ATL1: variants seen among roughly 807,000 people sequenced by gnomAD.
The protein encoded by ATL1 is atlastin-1.
A neutral mutation model predicts 75.5 loss-of-function variants in ATL1; 31 were observed. The observed-to-expected ratio is 0.41, with a 90% CI of 0.31 to 0.55. The LOEUF (loss-of-function observed/expected upper bound fraction) is 0.55. Among genes scored for constraint, ATL1 ranks in the 20% least tolerant of loss-of-function variants. The pLI, the probability that ATL1 is intolerant of heterozygous loss-of-function variation, is 0.27. For synonymous variants in ATL1, 226 were observed against 233.3 expected (o/e 0.97, Z 0.28); for missense variants, 405 against 662.6 (o/e 0.61, Z 4.27).
At chr14:50,555,593 A>G (rs1328911105), upstream of ATL1, among the ~76,000 whole-genome samples, 3 of 152,148 alleles carry the variant, frequency 2.0e-5, no homozygotes, top group African/African-American at 7.2e-5. Context: ...CAGTTCCTTC[A>G]TATTTTGAAG....
rs1367266605 is a variant in ATL1, at chr14:50,632,965, C to T, written c.*626C>T. ...ATTGTATATTTTTTCATTTGGTACACAAAGAATGTATTCTTCATAGGTTTA... is the reference window on the plus strand; with the variant it reads ...ATTGTATATTTTTTCATTTGGTACATAAAGAATGTATTCTTCATAGGTTTA... On this transcript the variant is annotated 3_prime_UTR_variant, in exon 14 of 14. Coordinates refer to ENST00000358385, the MANE Select transcript of ATL1 (RefSeq NM_015915.5). 1 of 152,154 alleles carries T rather than the reference C, an allele frequency of 6.6e-6. No individual in the cohort carries two copies. The highest frequency in any genetic ancestry group is 1.5e-5 in the Non-Finnish European group (1 of 68,090). The allele number at this position is 152,154 out of a possible 1,614,324, so 9.4% of individuals were successfully genotyped here.
intron 1 of ATL1, 22 bp downstream of exon 1, chr14:50,560,321 C>G: frequency 1.2e-6 from 2 of 1,613,134 alleles, no homozygotes; most frequent in Non-Finnish European, 1.7e-6. Context: ...ATGAGAACTT[C>G]TGCAGCCTGC....
chr14:50,590,881 G>T lies in ATL1; in HGVS notation c.283-60G>T, dbSNP rs1241308318. ...GAGAGGGATAAGAATCAGAATGAATGAATGGAAAAAACTATATACACATAT... is the reference window on the plus strand; with the variant it reads ...GAGAGGGATAAGAATCAGAATGAATTAATGGAAAAAACTATATACACATAT... On this transcript the variant is annotated intron_variant, in intron 2 of 13. Transcript: ENST00000358385. 10 of 1,552,162 alleles carry T rather than the reference G, an allele frequency of 6.4e-6. No homozygotes were observed. The Admixed American group carries it at 6.7e-5, about 10-fold the overall frequency.
At chr14:50,558,832 G>A (rs114976339), upstream of ATL1, among the ~76,000 whole-genome samples, 1,760 of 152,248 alleles carry the variant, frequency 0.012, 31 homozygotes, top group African/African-American at 0.041. Context: ...GTCTTCCTAT[G>A]TTGTTTCATT....
At chr14:50,562,449 C>T (rs2038859189) in intron 1 of ATL1, among the ~76,000 whole-genome samples, 1 of 152,134 alleles carries the variant, frequency 6.6e-6, no homozygotes, top group African/African-American at 2.4e-5. Context: ...GCAGACTCTC[C>T]CATCTTCCAG....
intron 2 of ATL1, among the ~76,000 whole-genome samples, chr14:50,589,130 G>A (rs1316452640): frequency 6.8e-6 from 1 of 147,764 alleles, no homozygotes; most frequent in Non-Finnish European, 1.5e-5. Flanking sequence ...TATGGTGACA[G>A]ATATATTTTT....
chr14:50,541,547 G>A (rs1467940618), intron 1 of ATL1, among the ~76,000 whole-genome samples: 1 of 152,076 alleles, frequency 6.6e-6, no homozygotes, highest in Admixed American at 6.5e-5. Flanking sequence ...CTGTATGACT[G>A]CCACCTTGTT....
At chr14:50,572,883 AG>A (rs1179826332) in intron 1 of ATL1, among the ~76,000 whole-genome samples, 2 of 152,224 alleles carry the variant, frequency 1.3e-5, no homozygotes, top group African/African-American at 4.8e-5. Context: ...TAAATGAAAG[AG>A]GTTTAATTGA....
At chr14:50,593,092 A>G (rs965178403) in intron 4 of ATL1, among the ~76,000 whole-genome samples, 1 of 151,742 alleles carries the variant, frequency 6.6e-6, no homozygotes, top group Non-Finnish European at 1.5e-5. Flanking sequence ...TTCACAGTGT[A>G]AGCCATACTT....
At position 50,625,019 on chromosome 14, in the gene ATL1, A is replaced by G. The variant is rs569327751; in HGVS notation, c.1119+1771A>G. Among the ~76,000 whole-genome samples, 892 of 151,236 alleles carry G rather than the reference A, an allele frequency of 5.9e-3. 3 individuals are homozygous for G. Among genetic ancestry groups the G allele is most frequent in the Middle Eastern group, 0.021 (6 of 282 alleles). ...CAGGAGGCAGAGGTTGCAATGAGCC[A>G]AGATCGCACCACTGCACTGCACTCC... On this transcript the variant is annotated intron_variant, in intron 11 of 13. Coordinates refer to ENST00000358385, the MANE Select transcript of ATL1 (RefSeq NM_015915.5).
Position 50,628,729 on chromosome 14 carries a change from T to G in ATL1, c.1551+267T>G, listed in dbSNP as rs1184185790. The G allele has an allele frequency of 5.8e-6, 3 of 515,074 alleles. No homozygotes were observed. In the East Asian group the frequency reaches 1.3e-4, roughly 23 times the overall value. The allele number at this position is 515,074 out of a possible 1,614,324, so 31.9% of individuals were successfully genotyped here. On this transcript the variant is annotated intron_variant, in intron 12 of 13. Transcript: ENST00000358385. ...GTATATATACTTTTTTTTCTTTTTT[T>G]GGGTAGGGGGGCAGTCTTGCTCTGT...
rs34686813 is a variant in ATL1 at position 50,536,436 on chromosome 14, CAAA to C, written c.-140+3088_-140+3090del. On this transcript the variant is annotated intron_variant, in intron 1 of 13. Coordinates refer to the ATL1 transcript ENST00000441560. ...GGGCAACAAGAGCAAAACTCTGTCT[CAAA>C]AAAAAAAAAAAAAAAAAATTGTTAC... 7.7e-3 allele frequency among the ~76,000 whole-genome samples: 823 copies of C among 107,214 alleles called. 8 individuals are homozygous for C. The highest frequency in any genetic ancestry group is 0.024 in the African/African-American group (743 of 30,346). The allele number at this position is 107,214 out of a possible 152,430, so 70.3% of individuals were successfully genotyped here. A position where few individuals can be genotyped will look rare whatever the true frequency, so the allele number is the denominator to read the frequency against.
rs911643191 is a variant in ATL1, at chr14:50,597,688, A to G, written c.630+2056A>G. Among the ~76,000 whole-genome samples, 29 of 152,258 alleles carry G rather than the reference A, an allele frequency of 1.9e-4. 1 individual carries two copies. The highest frequency in any genetic ancestry group is 6.5e-4 in the African/African-American group (27 of 41,550). On this transcript the variant is annotated intron_variant, in intron 6 of 13. Transcript: ENST00000358385. The stretch of plus-strand genomic sequence containing the variant: ...TAACATTTTTAAATTTTAAAAGGTC[A>G]ATAGTGTTTATTTTTTTTCTTTTTG...
intron 1 of ATL1, among the ~76,000 whole-genome samples, chr14:50,551,434 T>A (rs1471051758): frequency 6.6e-6 from 1 of 152,136 alleles, no homozygotes; most frequent in Non-Finnish European, 1.5e-5. Flanking sequence ...ACAGCCGAAT[T>A]GTATCAGACA....
At chr14:50,546,323 TA>T (rs2038630886) in intron 1 of ATL1, among the ~76,000 whole-genome samples, 1 of 152,190 alleles carries the variant, frequency 6.6e-6, no homozygotes, top group African/African-American at 2.4e-5. Context: ...CATGAGTTTA[TA>T]ATACTATCTC....
upstream of ATL1, among the ~76,000 whole-genome samples, chr14:50,555,324 CA>C (rs2038752936): frequency 3.3e-5 from 5 of 152,350 alleles, no homozygotes; most frequent in South Asian, 1.0e-3. Flanking sequence ...CTCTGTCACC[CA>C]GGCTGGAGTG....
chr14:50,577,406 C>T (rs1435063051), intron 1 of ATL1, among the ~76,000 whole-genome samples: 1 of 152,148 alleles, frequency 6.6e-6, no homozygotes, highest in East Asian at 1.9e-4. Context: ...ACAGTCTCTG[C>T]TCTCTAAATA....
intron 1 of ATL1, among the ~76,000 whole-genome samples, chr14:50,564,751 C>A (rs72679544): frequency 0.076 from 11,192 of 148,238 alleles, 527 homozygotes; most frequent in Middle Eastern, 0.14. Flanking sequence ...AAATAACTAT[C>A]TTAGCTTCAC....
intron 6 of ATL1, among the ~76,000 whole-genome samples, chr14:50,605,891 G>C (rs765274513): frequency 1.4e-4 from 22 of 151,984 alleles, no homozygotes; most frequent in Non-Finnish European, 2.2e-4. Context: ...TTAACACTCA[G>C]CTCAAGACCA....
Sources: gnomAD v4.1 joint callset for allele counts (sites outside exome capture counted in the v4.1 genomes callset) on GRCh38, gnomAD v4.1.1 for gene constraint, MANE v1.5 for transcripts, NCBI Gene and HGNC (gene_info 2026-07-23, HGNC 2026-07-21) for gene names.